Variants in POU1F1 observed in about 807,000 individuals in gnomAD.
POU1F1 encodes pituitary-specific positive transcription factor 1.
Under a neutral mutation model 32.3 loss-of-function variants are expected in POU1F1, and 23 were observed. The observed-to-expected ratio is 0.71, with a 90% CI of 0.51 to 1.01. POU1F1 has a LOEUF of 1.01. POU1F1 is among the 50% of genes least tolerant of loss of function. The probability of loss-of-function intolerance (pLI) is 0.00; values close to 1 mark genes in which losing one functional copy is unlikely to be tolerated. For missense variants in POU1F1, 323 were observed against 341.6 expected (o/e 0.95, Z 0.43); for synonymous variants, 120 against 115.6 (o/e 1.04, Z -0.25).
chr3:87,266,937 T>C (rs1283718466), intron 2 of POU1F1, among the ~76,000 whole-genome samples: 1 of 152,072 alleles, frequency 6.6e-6, no homozygotes, highest in Non-Finnish European at 1.5e-5. Flanking sequence ...CCATCAGGTA[T>C]CACTTAATAC....
intron 2 of POU1F1, among the ~76,000 whole-genome samples, chr3:87,271,872 T>G (rs17189466): frequency 6.6e-6 from 1 of 152,020 alleles, no homozygotes; most frequent in African/African-American, 2.4e-5. Flanking sequence ...ACCATAAATG[T>G]TAGGATACTG....
intron 2 of POU1F1, among the ~76,000 whole-genome samples, chr3:87,265,043 C>G (rs1048674239): frequency 2.6e-5 from 4 of 152,012 alleles, no homozygotes. Context: ...TCAGTAAAAA[C>G]TTGATTTTAT....
At chr3:87,273,583 T>A (rs1008963573) in intron 1 of POU1F1, 165 bp from the exon 2 acceptor site, 3 of 1,312,418 alleles carry the variant, frequency 2.3e-6, no homozygotes, top group Non-Finnish European at 3.1e-6. Context: ...TACATGCCAA[T>A]ATGTTTTTCT....
Position 87,274,614 on chromosome 3 carries a change from T to A in POU1F1, c.143-1196A>T, listed in dbSNP as rs72550817. 1.6e-3 allele frequency among the ~76,000 whole-genome samples: 247 copies of A among 151,712 alleles called. 3 individuals carry two copies. The East Asian group carries it at 0.031, about 19-fold the overall frequency. ...AAAGAACTAAAGTCATTTTGCAATA[T>A]AATGATTACATATAATGCATTACTG... On this transcript the variant is annotated intron_variant, in intron 1 of 5. Coordinates refer to ENST00000350375, the MANE Select transcript of POU1F1 (RefSeq NM_000306.4).
At chr3:87,270,248 C>A (rs1706700162) in intron 2 of POU1F1, among the ~76,000 whole-genome samples, 1 of 152,108 alleles carries the variant, frequency 6.6e-6, no homozygotes, top group East Asian at 1.9e-4. Context: ...TTTGCTACTA[C>A]TCAACCCCAG....
rs1706511372 is a variant in POU1F1 at position 87,261,336 on chromosome 3, A to G, written c.605-3T>C. ...TCCCACTTTTTCATTGTACAAAGCTATAATGTGGAAAAGAGAGATAATTAC... is the reference window on the plus strand; with the variant it reads ...TCCCACTTTTTCATTGTACAAAGCTGTAATGTGGAAAAGAGAGATAATTAC... On this transcript the variant is annotated splice_region_variant and splice_polypyrimidine_tract_variant and intron_variant, in intron 4 of 5. Coordinates refer to ENST00000350375, the MANE Select transcript of POU1F1 (RefSeq NM_000306.4). The G allele has an allele frequency of 1.9e-6, 3 of 1,586,988 alleles. No individual in the cohort carries two copies. Among genetic ancestry groups the G allele is most frequent in the African/African-American group, 1.3e-5 (1 of 74,346 alleles).
intron 1 of POU1F1, 158 bp from the exon 2 acceptor site, chr3:87,273,576 A>G (rs1344798087): frequency 1.5e-6 from 2 of 1,352,596 alleles, no homozygotes; most frequent in African/African-American, 3.0e-5. Context: ...TTAAAGTTAC[A>G]TGCCAATATG....
At chr3:87,276,199 G>T in intron 1 of POU1F1, 122 bp downstream of exon 1, 1 of 1,298,282 alleles carries the variant, frequency 7.7e-7, no homozygotes, top group Non-Finnish European at 1.1e-6. Flanking sequence ...CTTCACTTAA[G>T]ACAAATTAAA....
intron 5 of POU1F1, 23 bp from the exon 6 acceptor site, chr3:87,260,127 G>C (rs753965831): frequency 6.3e-7 from 1 of 1,598,586 alleles, no homozygotes; most frequent in South Asian, 1.1e-5. Flanking sequence ...GGACATAGGG[G>C]GTGAAATTTT....
chr3:87,263,370 A>C (rs1260770987), intron 3 of POU1F1, among the ~76,000 whole-genome samples: 6 of 152,160 alleles, frequency 3.9e-5, no homozygotes, highest in Non-Finnish European at 8.8e-5. Context: ...TTTTTCTTTC[A>C]ACCACCATTT....
At chr3:87,270,041 T>A (rs1309589799) in intron 2 of POU1F1, among the ~76,000 whole-genome samples, 5 of 152,148 alleles carry the variant, frequency 3.3e-5, no homozygotes, top group Admixed American at 6.6e-5. Flanking sequence ...AACTTTTTTT[T>A]TGATACTTTG....
At chr3:87,264,884 T>C (rs1401952011) in intron 2 of POU1F1, among the ~76,000 whole-genome samples, 2 of 152,188 alleles carry the variant, frequency 1.3e-5, no homozygotes, top group African/African-American at 2.4e-5. Context: ...AGTCTATGCA[T>C]TGAACTCTGT....
At chr3:87,272,046 A>C (rs68167370) in intron 2 of POU1F1, among the ~76,000 whole-genome samples, 3,758 of 152,056 alleles carry the variant, frequency 0.025, 159 homozygotes, top group African/African-American at 0.084. Flanking sequence ...ATTTTACTTG[A>C]AAATTATAGG....
rs1706470670 is a variant in POU1F1, at chr3:87,259,769, A to C, written c.*125T>G. 1.3e-5 allele frequency: 10 copies of C among 777,908 alleles called. No individual in the cohort carries two copies. Among genetic ancestry groups the C allele is most frequent in the Non-Finnish European group, 2.1e-5 (10 of 483,094 alleles). The allele number at this position is 777,908 out of a possible 1,614,324, so 48.2% of individuals were successfully genotyped here. Reference sequence around the variant, plus strand: ...TTCTTTTTTTTAAAAAAAAGTGGAAAAGTAAAGCTTCTGTAAAAGCTATTG... The same window carrying C: ...TTCTTTTTTTTAAAAAAAAGTGGAACAGTAAAGCTTCTGTAAAAGCTATTG... On this transcript the variant is annotated 3_prime_UTR_variant, in exon 6 of 6. Coordinates refer to ENST00000350375, the MANE Select transcript of POU1F1 (RefSeq NM_000306.4).
chr3:87,260,909 T>A lies in POU1F1; in HGVS notation c.665+364A>T, dbSNP rs1043225531. ...ATTTATTTATTTATTTATTTATTTA[T>A]TTATTTATTTATTTATTTTGAGACG... is the stretch of plus-strand genomic sequence containing the variant. On this transcript the variant is annotated intron_variant, in intron 5 of 5. Coordinates refer to ENST00000350375, the MANE Select transcript of POU1F1 (RefSeq NM_000306.4). 6.2e-4 allele frequency among the ~76,000 whole-genome samples: 89 copies of A among 143,526 alleles called. 1 individual carries two copies. Among genetic ancestry groups the A allele is most frequent in the African/African-American group, 2.2e-3 (88 of 39,902 alleles). The allele number at this position is 143,526 out of a possible 152,430, so 94.2% of individuals were successfully genotyped here.
intron 1 of POU1F1, among the ~76,000 whole-genome samples, chr3:87,273,683 A>G (rs1485850752): frequency 6.6e-6 from 1 of 152,156 alleles, no homozygotes; most frequent in Non-Finnish European, 1.5e-5. Flanking sequence ...ATCAAAACGG[A>G]CTTCATTAAT....
At chr3:87,267,642 CTG>C (rs1706644711) in intron 2 of POU1F1, among the ~76,000 whole-genome samples, 1 of 151,504 alleles carries the variant, frequency 6.6e-6, no homozygotes, top group Admixed American at 6.6e-5. Flanking sequence ...GGGTCACACT[CTG>C]TCTCCTAGAC....
chr3:87,271,453 T>C (rs1706718802), intron 2 of POU1F1, among the ~76,000 whole-genome samples: 1 of 152,174 alleles, frequency 6.6e-6, no homozygotes, highest in Non-Finnish European at 1.5e-5. Context: ...TTAATCTTGG[T>C]GCCAACCTCA....
chr3:87,262,179 T>C lies in POU1F1; in HGVS notation c.496A>G (p.Ser166Gly). 1 of 1,614,172 alleles carries C rather than the reference T, an allele frequency of 6.2e-7. No homozygotes were observed. The highest frequency in any genetic ancestry group is 8.5e-7 in the Non-Finnish European group (1 of 1,180,020). The change falls in exon 4 of 6, where the codon AGT becomes GGT. Residue 166 changes from serine to glycine, a missense_variant. Coordinates refer to ENST00000350375, the MANE Select transcript of POU1F1 (RefSeq NM_000306.4). Reference sequence around the variant, plus strand: ...TCAAATCGGCAGATTGTTGTTTGACTGAATTCAGAGCCATGCACAGCTGCC... The same window carrying C: ...TCAAATCGGCAGATTGTTGTTTGACCGAATTCAGAGCCATGCACAGCTGCC... ...ALAAVHGSEF[S>G]QTTICRFENL...
Sources: allele counts gnomAD v4.1 joint callset (sites outside exome capture counted in the v4.1 genomes callset), GRCh38; gene constraint gnomAD v4.1.1; transcripts MANE v1.5; gene names NCBI Gene and HGNC (gene_info 2026-07-23, HGNC 2026-07-21).